FUNDC2: variants seen among roughly 807,000 people sequenced by gnomAD.
FUNDC2 encodes FUN14 domain containing 2, also known as FUN14 domain-containing protein 2.
Under a neutral mutation model 15.6 loss-of-function variants are expected in FUNDC2, and 4 were observed. The ratio of observed to expected loss-of-function variants is 0.26; its 90% CI spans 0.13 to 0.59. The LOEUF is 0.59. FUNDC2 is among the 20% of genes least tolerant of loss of function. FUNDC2 has a pLI of 0.90. For missense variants in FUNDC2, 98 were observed against 149.7 expected (o/e 0.65, Z 1.80); for synonymous variants, 44 against 56.9 (o/e 0.77, Z 1.02).
chrX:155,044,582 G>C (rs782519624), intron 2 of FUNDC2, among the ~76,000 whole-genome samples: 1 of 112,196 alleles, frequency 8.9e-6, no homozygotes, highest in Admixed American at 9.4e-5. Flanking sequence ...AGAAGGCATA[G>C]AAATGGCCAC....
At position 155,055,781 on chromosome X, in the gene FUNDC2, C is replaced by G. The variant is rs1335188313; in HGVS notation, c.*1109C>G. The G allele has an allele frequency of 2.6e-5, 3 of 113,416 alleles. No individual in the cohort carries two copies. In the Admixed American group the frequency reaches 2.8e-4, roughly 11 times the overall value. The allele number at this position is 113,416 out of a possible 1,213,427, so 9.3% of individuals were successfully genotyped here. On this transcript the variant is annotated 3_prime_UTR_variant, in exon 5 of 5. Transcript: ENST00000369498. ...ACCATTATACTCACAGGGCCTAGCA[C>G]TTAATAGGTGCTGAGTATTTGAATA...
At position 155,057,885 on chromosome X, in the gene FUNDC2, G is replaced by C. The variant is rs1157524462; in HGVS notation, c.*3213G>C. 1 of 111,414 alleles carries C rather than the reference G, an allele frequency of 9.0e-6. No homozygotes were observed. Among genetic ancestry groups the C allele is most frequent in the Non-Finnish European group, 1.9e-5 (1 of 53,008 alleles). 9.2% of individuals were successfully genotyped at this position (111,414 alleles called of 1,213,427 possible). ...GGCACTTTCTGGCCGCTGCCTGCTCGGGCTCAACAGATGGAGTCCAATGTT... is the reference window on the plus strand; with the variant it reads ...GGCACTTTCTGGCCGCTGCCTGCTCCGGCTCAACAGATGGAGTCCAATGTT... On this transcript the variant is annotated 3_prime_UTR_variant, in exon 5 of 5. Coordinates refer to ENST00000369498, the MANE Select transcript of FUNDC2 (RefSeq NM_023934.4).
At chrX:155,030,939 G>A (rs1220958431) in intron 1 of FUNDC2, among the ~76,000 whole-genome samples, 2 of 110,657 alleles carry the variant, frequency 1.8e-5, no homozygotes, top group Admixed American at 9.6e-5. Flanking sequence ...CACCCGCCTC[G>A]GCCTCCCAAA....
In FUNDC2 at chrX:155,026,935, G is replaced by A; in HGVS notation, c.-4G>A. 8.4e-7 allele frequency: 1 copy of A among 1,189,819 alleles called. No individual in the cohort carries two copies. On this transcript the variant is annotated 5_prime_UTR_variant, in exon 1 of 5. Coordinates refer to ENST00000369498, the MANE Select transcript of FUNDC2 (RefSeq NM_023934.4). The stretch of plus-strand genomic sequence containing the variant: ...GCCCTCCCTCTTCCGCTGCCGCCGT[G>A]GGAATGGAAACATCTGCCCCACGTG...
Position 155,059,881 on chromosome X carries a change from C to G in FUNDC2, c.*5209C>G, listed in dbSNP as rs1557291444. On this transcript the variant is annotated 3_prime_UTR_variant, in exon 5 of 5. Coordinates refer to ENST00000369498, the MANE Select transcript of FUNDC2 (RefSeq NM_023934.4). ...TCTCATGAGATCTGGCACTTCACCC[C>G]TCACTCTCTCTTGCTCCTGCTTTGG... is the stretch of plus-strand genomic sequence containing the variant. 1 of 111,197 alleles carries G rather than the reference C, an allele frequency of 9.0e-6. No individual in the cohort carries two copies. Among genetic ancestry groups the G allele is most frequent in the African/African-American group, 3.3e-5 (1 of 30,495 alleles). 9.2% of individuals were successfully genotyped at this position (111,197 alleles called of 1,213,427 possible).
intron 2 of FUNDC2, among the ~76,000 whole-genome samples, chrX:155,041,939 G>A (rs2073847368): frequency 9.4e-6 from 1 of 106,751 alleles, no homozygotes; most frequent in Admixed American, 1.0e-4. Context: ...CGTGGTGGCG[G>A]GCGCCTGTAG....
chrX:155,052,305 G>A (rs1295639931), intron 4 of FUNDC2, among the ~76,000 whole-genome samples: 1 of 112,292 alleles, frequency 8.9e-6, no homozygotes, highest in Non-Finnish European at 1.9e-5. Flanking sequence ...CCCATGGGCT[G>A]TAGTTTGCTA....
At chrX:155,052,189 A>G (rs1187231672) in intron 4 of FUNDC2, among the ~76,000 whole-genome samples, 4 of 111,519 alleles carry the variant, frequency 3.6e-5, no homozygotes, top group African/African-American at 9.8e-5. Context: ...CAAGTATTCA[A>G]CTCCACTGTA....
chrX:155,027,597 A>C (rs1423919149), intron 1 of FUNDC2, among the ~76,000 whole-genome samples: 1 of 112,053 alleles, frequency 8.9e-6, no homozygotes, highest in Non-Finnish European at 1.9e-5. Context: ...TTGAATGTTT[A>C]GGTTGTATTT....
rs1433668506 is a variant in FUNDC2, at chrX:155,057,486, T to C, written c.*2814T>C. Reference sequence around the variant, plus strand: ...TTGGGAAGAGCGTTGTCGCTGTATATGGTCCGCAGAAACTTGACTTGGAAT... The same window carrying C: ...TTGGGAAGAGCGTTGTCGCTGTATACGGTCCGCAGAAACTTGACTTGGAAT... On this transcript the variant is annotated 3_prime_UTR_variant, in exon 5 of 5. Coordinates refer to ENST00000369498, the MANE Select transcript of FUNDC2 (RefSeq NM_023934.4). 3 of 110,981 alleles carry C rather than the reference T, an allele frequency of 2.7e-5. No homozygotes were observed. The highest frequency in any genetic ancestry group is 5.7e-5 in the Non-Finnish European group (3 of 52,785). 9.1% of individuals were successfully genotyped at this position (110,981 alleles called of 1,213,427 possible). A position where few individuals can be genotyped will look rare whatever the true frequency, so the allele number is the denominator to read the frequency against.
In FUNDC2 at chrX:155,047,737, C is replaced by G. The variant is rs187788006; in HGVS notation, c.360+1153C>G. Among the ~76,000 whole-genome samples, 7 of 110,651 alleles carry G rather than the reference C, an allele frequency of 6.3e-5. No homozygotes were observed. The Admixed American group carries it at 6.7e-4, about 11-fold the overall frequency. The stretch of plus-strand genomic sequence containing the variant: ...CTCCTCTCCTTATTTCCCCCCTGTC[C>G]ATAGTCTCAGTGCTCTTCCATGTGG... On this transcript the variant is annotated intron_variant, in intron 3 of 4. Coordinates refer to ENST00000369498, the MANE Select transcript of FUNDC2 (RefSeq NM_023934.4).
intron 4 of FUNDC2, among the ~76,000 whole-genome samples, chrX:155,052,749 G>A (rs1435368100): frequency 1.8e-5 from 2 of 112,323 alleles, no homozygotes; most frequent in Admixed American, 1.9e-4. Context: ...AGCCCAGATA[G>A]TTTCTCTTTC....
intron 2 of FUNDC2, among the ~76,000 whole-genome samples, chrX:155,044,294 C>T (rs1557289856): frequency 9.0e-6 from 1 of 111,670 alleles, no homozygotes; most frequent in Non-Finnish European, 1.9e-5. Flanking sequence ...CAGTAACCTA[C>T]ATCAGAGATC....
chrX:155,047,238 C>A (rs782396346), intron 3 of FUNDC2: 1 of 323,354 alleles, frequency 3.1e-6, no homozygotes, highest in African/African-American at 2.7e-5. Context: ...ACGTGTGCCA[C>A]TCCTGACCCA....
At chrX:155,029,110 C>T (rs1557288509) in intron 1 of FUNDC2, among the ~76,000 whole-genome samples, 1 of 111,902 alleles carries the variant, frequency 8.9e-6, no homozygotes. Context: ...GAAGTTAACA[C>T]TGCATTTGCT....
intron 2 of FUNDC2, among the ~76,000 whole-genome samples, chrX:155,036,267 G>A (rs782776741): frequency 1.8e-5 from 2 of 112,235 alleles, no homozygotes; most frequent in Admixed American, 9.4e-5. Context: ...GACTAATGAT[G>A]TTGAGCATTT....
chrX:155,046,992 A>G lies in FUNDC2; in HGVS notation c.360+408A>G, dbSNP rs150859132. ...TGAGAAATGGGAGCTAAGTGACAGTACAGTCAGATGTCGTCTGCTGTCTCC... is the reference window on the plus strand; with the variant it reads ...TGAGAAATGGGAGCTAAGTGACAGTGCAGTCAGATGTCGTCTGCTGTCTCC... On this transcript the variant is annotated intron_variant, in intron 3 of 4. Transcript: ENST00000369498. 3.5e-3 allele frequency: 732 copies of G among 208,775 alleles called. 4 individuals are homozygous for G. Among genetic ancestry groups the G allele is most frequent in the African/African-American group, 0.02 (675 of 34,386 alleles). 17.2% of individuals were successfully genotyped at this position (208,775 alleles called of 1,213,427 possible).
intron 3 of FUNDC2, chrX:155,047,366 C>CA (rs1569560217): frequency 8.8e-6 from 3 of 342,530 alleles, no homozygotes; most frequent in African/African-American, 2.6e-5. Flanking sequence ...TCTCTTCCCA[C>CA]AGTTGGCAAC....
In FUNDC2 at chrX:155,057,376, T is replaced by TCGGAG. The variant is rs2073910173; in HGVS notation, c.*2704_*2705insCGGAG. The TCGGAG allele has an allele frequency of 8.9e-6, 1 of 111,876 alleles. No homozygotes were observed. The highest frequency in any genetic ancestry group is 1.9e-5 in the Non-Finnish European group (1 of 53,026). 9.2% of individuals were successfully genotyped at this position (111,876 alleles called of 1,213,427 possible). On this transcript the variant is annotated 3_prime_UTR_variant, in exon 5 of 5. Coordinates refer to ENST00000369498, the MANE Select transcript of FUNDC2 (RefSeq NM_023934.4). ...TTTCATTTGACTGGAGAGGCCTGCT[T>TCGGAG]AGCTAGGCACGTATTTTCTCCAGTA...
Sources: gnomAD v4.1 joint callset for allele counts (sites outside exome capture counted in the v4.1 genomes callset) on GRCh38, gnomAD v4.1.1 for gene constraint, MANE v1.5 for transcripts, NCBI Gene and HGNC (gene_info 2026-07-23, HGNC 2026-07-21) for gene names.